The following ZFHX2 variants were observed in gnomAD, a reference collection of about 807,000 sequenced individuals.
ZFHX2 encodes zinc finger homeobox 2.
In ZFHX2, 75 loss-of-function variants were observed where a neutral mutation model predicts 164.8. The observed-to-expected ratio is 0.46, with a 90% CI of 0.38 to 0.55. The LOEUF (loss-of-function observed/expected upper bound fraction) is 0.55, where lower values mean the gene tolerates loss of function less well. Ranked by LOEUF, ZFHX2 falls within the 20% of genes least tolerant of loss-of-function variation. ZFHX2 has a pLI of 0.00. For missense variants in ZFHX2, 2,933 were observed against 3,308.0 expected (o/e 0.89, Z 2.78); for synonymous variants, 1,217 against 1,351.4 (o/e 0.90, Z 2.18).
chr14:23,525,111 G>T lies in ZFHX2; in HGVS notation c.4831C>A (p.Gln1611Lys). The T allele has an allele frequency of 6.5e-7, 1 of 1,536,180 alleles. No homozygotes were observed. Among genetic ancestry groups the T allele is most frequent in the Non-Finnish European group, 8.7e-7 (1 of 1,146,924 alleles). ...KFTEFQTQAL[Q>K]SFFETSAYPK... ...TAGGCGCTAGTCTCAAAGAAAGACT[G>T]CAGGGCTTGGGTCTGGAACTCTGTG... The change falls in exon 9 of 10, where the codon CAG (glutamine) becomes AAG (lysine). Residue 1611 changes from glutamine to lysine, a missense_variant. Transcript: ENST00000419474. This position sits in a 1 kb window ranked among gnomAD's most constrained non-coding sequence, Gnocchi z 5.9.
chr14:23,530,984 G>A, intron 4 of ZFHX2: 1 of 167,682 alleles, frequency 6.0e-6, no homozygotes, highest in South Asian at 1.6e-4. Flanking sequence ...GCTGCCTAAG[G>A]GTGACTCTAA....
At chr14:23,532,266 T>C (rs1263632898) in intron 3 of ZFHX2, 1 of 288,926 alleles carries the variant, frequency 3.5e-6, no homozygotes, top group Non-Finnish European at 6.4e-6. Context: ...TGGAGTCTGG[T>C]TCCATCCTCT....
At chr14:23,554,154 A>G (rs901367928), upstream of ZFHX2, among the ~76,000 whole-genome samples, 1 of 152,072 alleles carries the variant, frequency 6.6e-6, no homozygotes, top group African/African-American at 2.4e-5. Context: ...GGCTCCGGAA[A>G]CTGGTCTTTC....
At chr14:23,538,657 A>G (rs1880457063) in intron 1 of ZFHX2, among the ~76,000 whole-genome samples, 1 of 151,990 alleles carries the variant, frequency 6.6e-6, no homozygotes, top group South Asian at 2.1e-4. Flanking sequence ...GACACATCTC[A>G]GATGTGGGTA....
chr14:23,524,317 C>G lies in ZFHX2; in HGVS notation c.5625G>C (p.Trp1875Cys). 6.5e-7 allele frequency: 1 copy of G among 1,536,350 alleles called. No individual in the cohort carries two copies. Among genetic ancestry groups the G allele is most frequent in the Non-Finnish European group, 8.7e-7 (1 of 1,146,952 alleles). The change falls in exon 9 of 10, where the codon TGG becomes TGC. Residue 1875 changes from tryptophan (W) to cysteine (C), a missense_variant. Trp to Cys is a radical substitution (Grantham distance 215, BLOSUM62 -2). Coordinates refer to ENST00000419474, the MANE Select transcript of ZFHX2 (RefSeq NM_033400.3). The surrounding 1 kb of genome is among the most constrained non-coding windows in gnomAD (Gnocchi z 5.6). The part of the protein sequence containing the change: ...LPEQLEILYR[W>C]YMQDSNPTRK... ...GTGTTGGGTTGGAATCCTGCATGTA[C>G]CAACGGTACAGGATCTCTAGCTGCT...
In ZFHX2 at chr14:23,532,953, G is replaced by A; in HGVS notation, c.2173C>T (p.Gln725Ter). 6.5e-7 allele frequency: 1 copy of A among 1,536,202 alleles called. No homozygotes were observed. Among genetic ancestry groups the A allele is most frequent in the Non-Finnish European group, 8.7e-7 (1 of 1,146,914 alleles). ...SLKVFRCLVC[Q>*]AFSTDSLELL... ...TCCAGGCTGTCTGTGCTGAAGGCCT[G>A]GCACACTAGGCAGCGGAACACCTTC... The change falls in exon 3 of 10, where the codon CAG becomes TAG. Residue 725 changes from glutamine (Q) to a stop codon, truncating the protein, a stop_gained. Transcript: ENST00000419474. LOFTEE classifies it high-confidence loss of function.
At chr14:23,532,523 A>C in intron 3 of ZFHX2, 44 bp downstream of exon 3, 9 of 1,423,878 alleles carry the variant, frequency 6.3e-6, no homozygotes, top group Non-Finnish European at 8.2e-6. Context: ...CTCTGTCCCC[A>C]TTCCCTTCTC....
upstream of ZFHX2, among the ~76,000 whole-genome samples, chr14:23,553,686 A>T (rs911296069): frequency 6.6e-6 from 1 of 151,752 alleles, no homozygotes; most frequent in African/African-American, 2.4e-5. Flanking sequence ...CAAGATCAGG[A>T]GATCGAGACC....
intron 1 of ZFHX2, among the ~76,000 whole-genome samples, chr14:23,540,808 G>A (rs1040225989): frequency 3.3e-5 from 5 of 152,222 alleles, no homozygotes; most frequent in African/African-American, 1.2e-4. Flanking sequence ...AATGAGGGTA[G>A]TTCTTTTCCT....
chr14:23,549,357 A>G (rs1881732205), intron 1 of ZFHX2, among the ~76,000 whole-genome samples: 1 of 152,030 alleles, frequency 6.6e-6, no homozygotes, highest in Admixed American at 6.6e-5. Context: ...GAAATCGTCC[A>G]TCTTCTGCCC....
chr14:23,542,927 G>A (rs574416154), intron 1 of ZFHX2: 1 of 152,046 alleles, frequency 6.6e-6, no homozygotes, highest in African/African-American at 2.4e-5. Flanking sequence ...GTAGAGACAG[G>A]GTTTCACCAT....
At position 23,533,190 on chromosome 14, in the gene ZFHX2, T is replaced by C. The variant is rs1041028723; in HGVS notation, c.2041+95A>G. On this transcript the variant is annotated intron_variant, in intron 2 of 9. Transcript: ENST00000419474. This position sits in a 1 kb window ranked among gnomAD's most constrained non-coding sequence, Gnocchi z 4.8. ...GTAGGATAGTGCTCAGAGGGACTTATGGTTACCTAAGTGGGGAGTTGGTCC... is the reference window on the plus strand; with the variant it reads ...GTAGGATAGTGCTCAGAGGGACTTACGGTTACCTAAGTGGGGAGTTGGTCC... 4 of 1,436,356 alleles carry C rather than the reference T, an allele frequency of 2.8e-6. No individual in the cohort carries two copies. The highest frequency in any genetic ancestry group is 2.5e-5 in the East Asian group (1 of 40,028). The allele number at this position is 1,436,356 out of a possible 1,614,324, so 89.0% of individuals were successfully genotyped here.
chr14:23,551,864 G>A (rs1247958522), upstream of ZFHX2, among the ~76,000 whole-genome samples: 1 of 152,126 alleles, frequency 6.6e-6, no homozygotes, highest in African/African-American at 2.4e-5. The surrounding 1 kb of genome is among the most constrained non-coding windows in gnomAD (Gnocchi z 5.3). Context: ...GCGCCCGCCC[G>A]CCTGCCTCGC....
chr14:23,551,885 G>A (rs1881990313), upstream of ZFHX2, among the ~76,000 whole-genome samples: 1 of 152,272 alleles, frequency 6.6e-6, no homozygotes, highest in East Asian at 1.9e-4. The surrounding 1 kb of genome is among the most constrained non-coding windows in gnomAD (Gnocchi z 5.3). Context: ...GGGACCCAGG[G>A]CCGGGGGCAG....
rs922786979 is a variant in ZFHX2, at chr14:23,522,719, C to T, written c.6962G>A (p.Ser2321Asn). Residue 2321 changes from serine (S) to asparagine (N), a missense_variant, in exon 10 of 10, where the codon AGC becomes AAC. Ser to Asn is a conservative substitution (Grantham distance 46, BLOSUM62 1). Coordinates refer to ENST00000419474, the MANE Select transcript of ZFHX2 (RefSeq NM_033400.3). Reference protein sequence around the residue: ...SERKPVAGPTSSSNDALKNLK... With the variant: ...SERKPVAGPTNSSNDALKNLK... ...GTTCTTGAGGGCATCATTGGAGGAG[C>T]TGGTGGGGCCTGCAACTGGCTTTCG... is the stretch of plus-strand genomic sequence containing the variant. 22 of 1,536,478 alleles carry T rather than the reference C, an allele frequency of 1.4e-5. No homozygotes were observed. The highest frequency in any genetic ancestry group is 2.7e-5 in the African/African-American group (2 of 73,042).
Position 23,546,087 on chromosome 14 carries a change from C to T in ZFHX2, c.-50+5256G>A, listed in dbSNP as rs1278276465. ...AAATGTGCATACATGAAGTTAAATT[C>T]CTGCCTACACCCATTCTGCCCCACT... On this transcript the variant is annotated intron_variant, in intron 1 of 9. Coordinates refer to ENST00000419474, the MANE Select transcript of ZFHX2 (RefSeq NM_033400.3). This position sits in a 1 kb window ranked among gnomAD's most constrained non-coding sequence, Gnocchi z 4.7. 6.6e-6 allele frequency among the ~76,000 whole-genome samples: 1 copy of T among 152,168 alleles called. No individual in the cohort carries two copies. Among genetic ancestry groups the T allele is most frequent in the African/African-American group, 2.4e-5 (1 of 41,434 alleles).
At chr14:23,529,576 G>A (rs1879261893) in intron 6 of ZFHX2, 134 bp downstream of exon 6, 2 of 919,856 alleles carry the variant, frequency 2.2e-6, no homozygotes, top group Non-Finnish European at 3.3e-6. Context: ...GGATCTGGGT[G>A]GAATTTCTTA....
chr14:23,530,921 C>A (rs1879461231), intron 4 of ZFHX2: 1 of 187,522 alleles, frequency 5.3e-6, no homozygotes, highest in Non-Finnish European at 1.1e-5. Context: ...CCTGTACCCT[C>A]TGGATCAATG....
chr14:23,550,629 T>C (rs1881850374), intron 1 of ZFHX2, among the ~76,000 whole-genome samples: 1 of 152,130 alleles, frequency 6.6e-6, no homozygotes, highest in Admixed American at 6.5e-5. Context: ...AGCGTGGTCC[T>C]GTGCTTGAAA....
Sources: gnomAD v4.1 joint callset for allele counts (sites outside exome capture counted in the v4.1 genomes callset) on GRCh38, gnomAD v4.1.1 for gene constraint, Gnocchi (gnomAD v3.1) non-coding constraint, MANE v1.5 for transcripts, NCBI Gene and HGNC (gene_info 2026-07-23, HGNC 2026-07-21) for gene names.